The following PARD6G variants were observed in gnomAD, a reference collection of about 807,000 sequenced individuals.
The protein encoded by PARD6G is par-6 family cell polarity regulator gamma.
PARD6G carries 7 observed loss-of-function variants against 10.7 expected under a neutral mutation model. That is an observed-to-expected ratio of 0.66 (90% CI 0.37 to 1.23). The LOEUF is 1.23. Among genes scored for constraint, PARD6G ranks in the 50% most tolerant of loss-of-function variants. The pLI is 0.02. For synonymous variants in PARD6G, 287 were observed against 269.4 expected (o/e 1.07, Z -0.64); for missense variants, 548 against 571.8 (o/e 0.96, Z 0.42).
intron 2 of PARD6G, among the ~76,000 whole-genome samples, chr18:80,174,701 T>A (rs7235428): frequency 0.27 from 40,120 of 150,742 alleles, 6,936 homozygotes; most frequent in Non-Finnish European, 0.4. Flanking sequence ...ACGCCTGTAA[T>A]CCCAGCACTT....
At chr18:80,179,200 G>A (rs903910211) in intron 2 of PARD6G, among the ~76,000 whole-genome samples, 2 of 151,648 alleles carry the variant, frequency 1.3e-5, no homozygotes, top group Non-Finnish European at 2.9e-5. Context: ...TTCACAGGAA[G>A]GGCCTGAGGG....
Position 80,224,573 on chromosome 18 carries a change from T to C in PARD6G, c.73-21641A>G, listed in dbSNP as rs77033999. On this transcript the variant is annotated intron_variant, in intron 1 of 2. Transcript: ENST00000353265. ...TTGAAAGTGACCGTCCAAGGCCGGG[T>C]GCGGTGGCTCACGCCTGTAATCCCA... 3.0e-3 allele frequency among the ~76,000 whole-genome samples: 458 copies of C among 152,188 alleles called. 1 individual carries two copies. The highest frequency in any genetic ancestry group is 0.01 in the Middle Eastern group (3 of 294).
At chr18:80,173,795 T>A (rs1457422024) in intron 2 of PARD6G, among the ~76,000 whole-genome samples, 1 of 152,102 alleles carries the variant, frequency 6.6e-6, no homozygotes. Flanking sequence ...CAAAAGGAAA[T>A]GGTGTCTCAG....
chr18:80,204,786 TA>T (rs1201543808), intron 1 of PARD6G, among the ~76,000 whole-genome samples: 1 of 151,464 alleles, frequency 6.6e-6, no homozygotes, highest in Non-Finnish European at 1.5e-5. Flanking sequence ...CCATCTCTAC[TA>T]AAAGTACCAA....
chr18:80,199,414 T>A (rs1966988545), intron 2 of PARD6G, among the ~76,000 whole-genome samples: 1 of 152,208 alleles, frequency 6.6e-6, no homozygotes, highest in Admixed American at 6.5e-5. Context: ...ATGCGCACAC[T>A]TTTTTATCCA....
intron 1 of PARD6G, among the ~76,000 whole-genome samples, chr18:80,244,840 T>G (rs1171602204): frequency 4.6e-5 from 7 of 152,138 alleles, no homozygotes; most frequent in African/African-American, 1.7e-4. Context: ...CCTATGGAGA[T>G]AGATGCTACA....
rs774967970 is a variant in PARD6G, at chr18:80,200,727, C to T, written c.295+1983G>A. On this transcript the variant is annotated intron_variant, in intron 2 of 2. Transcript: ENST00000353265. This position sits in a 1 kb window ranked among gnomAD's most constrained non-coding sequence, Gnocchi z 4.4. ...AAAAATAAATGATGAAGACTGAACA[C>T]AGGGCCCCAGCCAGCAAGCTGGAAA... 2.0e-5 allele frequency among the ~76,000 whole-genome samples: 3 copies of T among 152,184 alleles called. No individual in the cohort carries two copies. The highest frequency in any genetic ancestry group is 4.4e-5 in the Non-Finnish European group (3 of 68,044).
intron 2 of PARD6G, chr18:80,178,098 T>A (rs779132954): frequency 6.0e-6 from 1 of 167,066 alleles, no homozygotes; most frequent in Non-Finnish European, 1.5e-5. Context: ...ACAGCTGTGG[T>A]TTGCTCCTAA....
At chr18:80,178,474 A>G (rs1318768418) in intron 2 of PARD6G, 1 of 152,394 alleles carries the variant, frequency 6.6e-6, no homozygotes. Context: ...GCATGCTGAG[A>G]ACCCATAGAG....
chr18:80,170,570 C>G (rs1476863187), intron 2 of PARD6G: 1 of 152,332 alleles, frequency 6.6e-6, no homozygotes, highest in African/African-American at 2.4e-5. Context: ...CCTGTGTGCA[C>G]TGCAACAGGC....
chr18:80,180,995 G>A lies in PARD6G; in HGVS notation c.296-20389C>T, dbSNP rs2052845778. ...TCAGCAGTGCTGAGGGTAAGAACCC[G>A]GCCTCACACGCACGTTTCCAGCGGG... is the stretch of plus-strand genomic sequence containing the variant. On this transcript the variant is annotated intron_variant, in intron 2 of 2. Coordinates refer to ENST00000353265, the MANE Select transcript of PARD6G (RefSeq NM_032510.4). This position sits in a 1 kb window ranked among gnomAD's most constrained non-coding sequence, Gnocchi z 5.6. Among the ~76,000 whole-genome samples, 2 of 152,194 alleles carry A rather than the reference G, an allele frequency of 1.3e-5. No individual in the cohort carries two copies. Among genetic ancestry groups the A allele is most frequent in the East Asian group, 1.9e-4 (1 of 5,196 alleles).
chr18:80,235,681 C>T (rs1205207511), intron 1 of PARD6G, among the ~76,000 whole-genome samples: 2 of 152,036 alleles, frequency 1.3e-5, no homozygotes, highest in Admixed American at 6.6e-5. Context: ...ATATCGCCAC[C>T]GATCCCACAG....
intron 1 of PARD6G, among the ~76,000 whole-genome samples, chr18:80,204,992 C>A (rs1007191548): frequency 2.0e-5 from 3 of 152,064 alleles, no homozygotes; most frequent in African/African-American, 7.2e-5. Context: ...GGAAAAGCCA[C>A]TTTCAATGAC....
At chr18:80,172,235 C>T (rs1177071246) in intron 2 of PARD6G, among the ~76,000 whole-genome samples, 6 of 152,188 alleles carry the variant, frequency 3.9e-5, no homozygotes, top group South Asian at 2.1e-4. Context: ...GGGTGTGAAG[C>T]GGTGTCTCAC....
At position 80,246,487 on chromosome 18, in the gene PARD6G, G is replaced by A. The variant is rs1967549194; in HGVS notation, c.72+790C>T. On this transcript the variant is annotated intron_variant, in intron 1 of 2. Transcript: ENST00000353265. The surrounding 1 kb of genome is among the most constrained non-coding windows in gnomAD (Gnocchi z 6.7). ...GCGGGAGGGGCCGGGCACGCCCGTG[G>A]GGGTGGTCTGGGTACGGGTCTGATC... 6.6e-6 allele frequency among the ~76,000 whole-genome samples: 1 copy of A among 152,108 alleles called. No individual in the cohort carries two copies. Among genetic ancestry groups the A allele is most frequent in the Non-Finnish European group, 1.5e-5 (1 of 67,990 alleles).
At chr18:80,240,923 C>T (rs1246649609) in intron 1 of PARD6G, among the ~76,000 whole-genome samples, 2 of 152,192 alleles carry the variant, frequency 1.3e-5, no homozygotes, top group East Asian at 3.8e-4. Flanking sequence ...CGTTTTACCC[C>T]AGCACATGCC....
intron 1 of PARD6G, among the ~76,000 whole-genome samples, chr18:80,244,627 A>G (rs1020523135): frequency 2.0e-5 from 3 of 152,222 alleles, no homozygotes; most frequent in Non-Finnish European, 4.4e-5. Context: ...CAGAAAAGGT[A>G]TCATGCCCAT....
chr18:80,233,408 A>T (rs938649554), intron 1 of PARD6G, among the ~76,000 whole-genome samples: 1 of 152,116 alleles, frequency 6.6e-6, no homozygotes, highest in Non-Finnish European at 1.5e-5. Context: ...ACAGGTGCTG[A>T]TGGGCCCAAG....
rs191783172 is a variant in PARD6G at position 80,188,353 on chromosome 18, G to T, written c.295+14357C>A. The stretch of plus-strand genomic sequence containing the variant: ...GGGTGTCTTGGGGAACAGAGACTTG[G>T]ATTCCAGTGCTGGTGTCTCTTCCAA... On this transcript the variant is annotated intron_variant, in intron 2 of 2. Transcript: ENST00000353265. The surrounding 1 kb of genome is among the most constrained non-coding windows in gnomAD (Gnocchi z 5.4). Among the ~76,000 whole-genome samples the T allele has an allele frequency of 9.8e-5, 15 of 152,312 alleles. No individual in the cohort carries two copies. In the East Asian group the frequency reaches 2.9e-3, roughly 29 times the overall value.
Sources: allele counts gnomAD v4.1 joint callset (sites outside exome capture counted in the v4.1 genomes callset), GRCh38; gene constraint gnomAD v4.1.1; non-coding constraint Gnocchi (gnomAD v3.1); transcripts MANE v1.5; gene names NCBI Gene and HGNC (gene_info 2026-07-23, HGNC 2026-07-21).